The following HERC3 variants were observed in gnomAD, a reference collection of about 807,000 sequenced individuals.
HERC3 encodes the protein HECT and RLD domain containing E3 ubiquitin protein ligase 3.
In HERC3, 58 loss-of-function variants were observed where a neutral mutation model predicts 129.9. The observed-to-expected ratio is 0.45, with a 90% CI of 0.36 to 0.56. The LOEUF (loss-of-function observed/expected upper bound fraction) is 0.56, where lower values mean the gene tolerates loss of function less well. Ranked by LOEUF, HERC3 falls within the 20% of genes least tolerant of loss-of-function variation. The pLI is 0.00. For missense variants in HERC3, 835 were observed against 1,244.2 expected, an observed-to-expected ratio of 0.67 and a Z score of 4.95; for synonymous variants, 430 against 451.0, an observed-to-expected ratio of 0.95 and a Z score of 0.59.
the HERC3 span, among the ~76,000 whole-genome samples, chr4:88,559,834 C>A: frequency 1.3e-5 from 2 of 152,102 alleles, no homozygotes; most frequent in African/African-American, 4.8e-5. Context: ...TACAGTAGTT[C>A]TATTTTTAAT....
At chr4:88,558,728 C>T in the HERC3 span, among the ~76,000 whole-genome samples, 1 of 151,944 alleles carries the variant, frequency 6.6e-6, no homozygotes, top group Non-Finnish European at 1.5e-5. Flanking sequence ...CTTTGGGAGG[C>T]CGAGGCGGGC....
upstream of HERC3, among the ~76,000 whole-genome samples, chr4:88,592,259 C>A (rs1429390578): frequency 6.6e-6 from 1 of 152,228 alleles, no homozygotes; most frequent in Non-Finnish European, 1.5e-5. Flanking sequence ...CCGCTGTCCC[C>A]GCGCCGGGCC....
At chr4:88,578,711 TAA>T in the HERC3 span, among the ~76,000 whole-genome samples, 1 of 152,210 alleles carries the variant, frequency 6.6e-6, no homozygotes. Context: ...CTAAGTATCT[TAA>T]ATGCTTTGTT....
chr4:88,662,271 C>T (rs1346401852), intron 10 of HERC3, among the ~76,000 whole-genome samples, 160 bp from the exon 11 acceptor site: 1 of 152,096 alleles, frequency 6.6e-6, no homozygotes, highest in Non-Finnish European at 1.5e-5. Context: ...TGGGATCTGT[C>T]AGGAGCCTCC....
the HERC3 span, among the ~76,000 whole-genome samples, chr4:88,549,703 CTTTTTCT>C: frequency 6.8e-6 from 1 of 147,342 alleles, no homozygotes; most frequent in Non-Finnish European, 1.5e-5. Flanking sequence ...TTTTCTTTTT[CTTTTTCT>C]TTTTTTTCTT....
At chr4:88,625,181 C>T (rs1380800034) in intron 3 of HERC3, among the ~76,000 whole-genome samples, 1 of 151,500 alleles carries the variant, frequency 6.6e-6, no homozygotes, top group Non-Finnish European at 1.5e-5. Flanking sequence ...TTTGGCTATT[C>T]TTGGTCTTTT....
the HERC3 span, among the ~76,000 whole-genome samples, chr4:88,559,630 G>A: frequency 6.6e-6 from 1 of 152,230 alleles, no homozygotes; most frequent in African/African-American, 2.4e-5. Flanking sequence ...TTATTTCTTA[G>A]GGCTGAATAA....
chr4:88,537,255 A>G, the HERC3 span, among the ~76,000 whole-genome samples: 1 of 152,348 alleles, frequency 6.6e-6, no homozygotes, highest in South Asian at 2.1e-4. Flanking sequence ...AGGATGAGAC[A>G]TGACTTTTAG....
At chr4:88,531,091 C>T in the HERC3 span, among the ~76,000 whole-genome samples, 2 of 152,170 alleles carry the variant, frequency 1.3e-5, no homozygotes, top group African/African-American at 4.8e-5. Flanking sequence ...CTCCTGGCCT[C>T]AGGCGATCTG....
intron 14 of HERC3, 132 bp from the exon 15 acceptor site, chr4:88,669,728 G>T: frequency 1.4e-6 from 1 of 697,980 alleles, no homozygotes; most frequent in Non-Finnish European, 2.3e-6. Flanking sequence ...TCTTTTTAAA[G>T]TCAGTTTTGG....
chr4:88,643,436 C>T (rs1007861955), intron 3 of HERC3, among the ~76,000 whole-genome samples: 2 of 152,100 alleles, frequency 1.3e-5, no homozygotes, highest in Non-Finnish European at 2.9e-5. Context: ...ATACCTGAAG[C>T]AATTTTGAAA....
At chr4:88,616,336 G>A (rs1228874699) in intron 3 of HERC3, among the ~76,000 whole-genome samples, 1 of 152,150 alleles carries the variant, frequency 6.6e-6, no homozygotes, top group Non-Finnish European at 1.5e-5. Flanking sequence ...CATCCAAAAT[G>A]GCAAAGATAA....
chr4:88,703,145 C>T (rs1252677919), intron 23 of HERC3, among the ~76,000 whole-genome samples: 1 of 152,178 alleles, frequency 6.6e-6, no homozygotes, highest in Non-Finnish European at 1.5e-5. Context: ...CAGAGAAAGC[C>T]AAATACACAC....
intron 7 of HERC3, among the ~76,000 whole-genome samples, chr4:88,654,387 T>TATATATATATACAC (rs1321614619): frequency 1.1e-5 from 1 of 94,338 alleles, no homozygotes; most frequent in African/African-American, 3.2e-5. Context: ...TATATATATA[T>TATATATATATACAC]ACACACACAC....
At chr4:88,543,511 A>G in the HERC3 span, among the ~76,000 whole-genome samples, 1 of 152,226 alleles carries the variant, frequency 6.6e-6, no homozygotes, top group African/African-American at 2.4e-5. Flanking sequence ...CATACTGCCC[A>G]TGGTAATTTA....
At chr4:88,540,873 T>G in the HERC3 span, among the ~76,000 whole-genome samples, 1 of 152,042 alleles carries the variant, frequency 6.6e-6, no homozygotes, top group African/African-American at 2.4e-5. Context: ...ATAAAATACT[T>G]TATAGACAAG....
the HERC3 span, among the ~76,000 whole-genome samples, chr4:88,587,132 A>C: frequency 6.6e-6 from 1 of 152,260 alleles, no homozygotes; most frequent in Non-Finnish European, 1.5e-5. Flanking sequence ...GAAGGTCAAC[A>C]GAAAGTTAAA....
chr4:88,548,801 C>T, the HERC3 span, among the ~76,000 whole-genome samples: 5 of 152,054 alleles, frequency 3.3e-5, no homozygotes, highest in African/African-American at 1.2e-4. Flanking sequence ...GCTGGGACTA[C>T]AGGCGCACAC....
chr4:88,596,260 T>G (rs1330141959), intron 2 of HERC3, among the ~76,000 whole-genome samples: 1 of 152,234 alleles, frequency 6.6e-6, no homozygotes, highest in Non-Finnish European at 1.5e-5. Context: ...TCAAATGGAC[T>G]TTTAATAAGG....
Sources: allele counts gnomAD v4.1 joint callset (sites outside exome capture counted in the v4.1 genomes callset), GRCh38; gene constraint gnomAD v4.1.1; transcripts MANE v1.5; gene names NCBI Gene and HGNC (gene_info 2026-07-23, HGNC 2026-07-21).